MAMLD1: variants seen among roughly 807,000 people sequenced by gnomAD.
The protein encoded by MAMLD1 is mastermind-like domain-containing protein 1.
In MAMLD1, 14 loss-of-function variants were observed where a neutral mutation model predicts 45.0. The ratio of observed to expected loss-of-function variants is 0.31; its 90% CI spans 0.21 to 0.49. The LOEUF is 0.49. Ranked by LOEUF, MAMLD1 falls within the 20% of genes least tolerant of loss-of-function variation. The probability of loss-of-function intolerance (pLI) is 0.99; values close to 1 mark genes in which losing one functional copy is unlikely to be tolerated. For synonymous variants in MAMLD1, 254 were observed against 247.8 expected (o/e 1.02, Z -0.24); for missense variants, 543 against 603.6 (o/e 0.90, Z 1.05).
chrX:150,490,735 G>T (rs782505354), intron 5 of MAMLD1, among the ~76,000 whole-genome samples: 1 of 111,436 alleles, frequency 9.0e-6, no homozygotes, highest in African/African-American at 3.3e-5. Flanking sequence ...GCCATAAAAG[G>T]GGAAGGTACA....
intron 1 of MAMLD1, among the ~76,000 whole-genome samples, chrX:150,365,017 C>A (rs2031301351): frequency 8.9e-6 from 1 of 112,235 alleles, no homozygotes; most frequent in South Asian, 3.6e-4. Flanking sequence ...GCTTCCCGGC[C>A]GCCACCGCAG....
chrX:150,423,767 C>G (rs1355014250), intron 1 of MAMLD1, among the ~76,000 whole-genome samples: 2 of 111,905 alleles, frequency 1.8e-5, no homozygotes, highest in African/African-American at 6.5e-5. Flanking sequence ...AGGCATTTAG[C>G]TCATGAGAAA....
intron 1 of MAMLD1, among the ~76,000 whole-genome samples, chrX:150,404,882 C>A (rs1402584575): frequency 8.9e-6 from 1 of 112,078 alleles, no homozygotes; most frequent in Admixed American, 9.5e-5. Flanking sequence ...GAATAGTATT[C>A]TATTATATGA....
chrX:150,460,471 T>C (rs1367565127), intron 2 of MAMLD1, among the ~76,000 whole-genome samples: 1 of 111,991 alleles, frequency 8.9e-6, no homozygotes, highest in Non-Finnish European at 1.9e-5. Context: ...CCCTTGGGTT[T>C]GTATAGTTCT....
chrX:150,416,218 A>G (rs1470870938), intron 1 of MAMLD1, among the ~76,000 whole-genome samples: 1 of 111,554 alleles, frequency 9.0e-6, no homozygotes, highest in East Asian at 2.8e-4. Flanking sequence ...TATGGGATAG[A>G]ATAGTTTTGA....
chrX:150,418,018 A>G (rs1557403183), intron 1 of MAMLD1, among the ~76,000 whole-genome samples: 1 of 110,525 alleles, frequency 9.0e-6, no homozygotes, highest in African/African-American at 3.3e-5. Flanking sequence ...GAATGGTACC[A>G]GTTCCTCCTT....
At chrX:150,401,084 G>A (rs1557402413) in intron 1 of MAMLD1, among the ~76,000 whole-genome samples, 1 of 110,963 alleles carries the variant, frequency 9.0e-6, no homozygotes, top group African/African-American at 3.3e-5. Context: ...AATCCATCTG[G>A]TCCTGGACTC....
chrX:150,375,136 T>C (rs2032244499), intron 1 of MAMLD1, among the ~76,000 whole-genome samples: 1 of 111,068 alleles, frequency 9.0e-6, no homozygotes, highest in Non-Finnish European at 1.9e-5. Context: ...AGTCTTCTCA[T>C]GGCAAGGCCA....
At chrX:150,444,391 C>T (rs1019009245) in intron 1 of MAMLD1, among the ~76,000 whole-genome samples, 1 of 111,679 alleles carries the variant, frequency 9.0e-6, no homozygotes, top group Non-Finnish European at 1.9e-5. Context: ...TGTTAGTGCC[C>T]ATTGGCATTC....
At chrX:150,397,682 C>T (rs2124507327) in intron 1 of MAMLD1, among the ~76,000 whole-genome samples, 1 of 111,173 alleles carries the variant, frequency 9.0e-6, no homozygotes, top group Non-Finnish European at 1.9e-5. Context: ...TGTGTTCTTC[C>T]CTGATCACTC....
intron 3 of MAMLD1, among the ~76,000 whole-genome samples, chrX:150,464,151 G>A (rs782681307): frequency 1.1e-4 from 12 of 111,602 alleles, no homozygotes; most frequent in African/African-American, 3.6e-4. Flanking sequence ...CACAACAAAC[G>A]GAGGAGCTAG....
chrX:150,509,672 C>T, intron 6 of MAMLD1: 1 of 347,905 alleles, frequency 2.9e-6, no homozygotes, highest in Non-Finnish European at 5.1e-6. Context: ...AGATGGACAT[C>T]CAAAATGCCT....
At chrX:150,507,562 G>A (rs2037767735) in intron 6 of MAMLD1, among the ~76,000 whole-genome samples, 1 of 112,123 alleles carries the variant, frequency 8.9e-6, no homozygotes, top group Non-Finnish European at 1.9e-5. Flanking sequence ...CTTGCTGGTG[G>A]CACCCCAGAC....
At chrX:150,445,651 G>A (rs1557404766) in intron 2 of MAMLD1, 39 bp downstream of exon 2, 1 of 1,002,588 alleles carries the variant, frequency 1.0e-6, no homozygotes, top group Admixed American at 2.3e-5. Context: ...GGTATTTAAT[G>A]CTTCTAATCT....
chrX:150,413,953 G>GGAGA lies in MAMLD1; in HGVS notation c.-63-31489_-63-31486dup, dbSNP rs1240523444. Among the ~76,000 whole-genome samples, 3 of 96,827 alleles carry GGAGA rather than the reference G, an allele frequency of 3.1e-5. No homozygotes were observed. The East Asian group carries it at 1.1e-3, about 34-fold the overall frequency. 84.1% of individuals were successfully genotyped at this position (96,827 alleles called of 115,157 possible). Reference sequence around the variant, plus strand: ...GCAAACGACATGCTAGGGTGCTGAGGGAGAGAGAGAGAGAGCACTTGCTAA... The same window carrying GGAGA: ...GCAAACGACATGCTAGGGTGCTGAGGGAGAGAGAGAGAGAGAGAGCACTTGCTAA... On this transcript the variant is annotated intron_variant, in intron 1 of 7. Transcript: ENST00000370401.
chrX:150,403,996 G>GAAAGAAAGAAAAAGAAAGA (rs1244362021), intron 1 of MAMLD1, among the ~76,000 whole-genome samples: 1 of 73,871 alleles, frequency 1.4e-5, no homozygotes, highest in Non-Finnish European at 2.9e-5. Context: ...AAGAAAGAAA[G>GAAAGAAAGAAAAAGAAAGA]AAGAAAGGAA....
At chrX:150,456,804 T>C (rs1236204295) in intron 2 of MAMLD1, among the ~76,000 whole-genome samples, 1 of 112,341 alleles carries the variant, frequency 8.9e-6, no homozygotes, top group African/African-American at 3.2e-5. Flanking sequence ...TACGAGGAGC[T>C]CACCTTTTCA....
At position 150,513,337 on chromosome X, in the gene MAMLD1, C is replaced by T; in HGVS notation, c.*1378C>T. On this transcript the variant is annotated 3_prime_UTR_variant, in exon 8 of 8. Transcript: ENST00000370401. The stretch of plus-strand genomic sequence containing the variant: ...TGTGACTTTGTAAATAAAGCGACGG[C>T]TTTTGTTTCAGTAGAGTTGTGTTTA... 2.7e-6 allele frequency: 1 copy of T among 370,301 alleles called. No individual in the cohort carries two copies. The highest frequency in any genetic ancestry group is 4.1e-5 in the East Asian group (1 of 24,257). The allele number at this position is 370,301 out of a possible 1,213,427, so 30.5% of individuals were successfully genotyped here.
intron 5 of MAMLD1, among the ~76,000 whole-genome samples, chrX:150,491,664 G>A (rs1337479535): frequency 1.8e-5 from 2 of 112,090 alleles, no homozygotes; most frequent in African/African-American, 6.5e-5. Context: ...GGACAGTGGG[G>A]ATAAGATAGA....
Sources: allele counts gnomAD v4.1 joint callset (sites outside exome capture counted in the v4.1 genomes callset), GRCh38; gene constraint gnomAD v4.1.1; transcripts MANE v1.5; gene names NCBI Gene and HGNC (gene_info 2026-07-23, HGNC 2026-07-21).